Variants in SPTAN1 observed in about 807,000 individuals in gnomAD.
SPTAN1 encodes the protein spectrin alpha chain, non-erythrocytic 1.
Under a neutral mutation model 331.3 loss-of-function variants are expected in SPTAN1, and 61 were observed. That is an observed-to-expected ratio of 0.18 (90% confidence interval 0.15 to 0.23). The LOEUF (loss-of-function observed/expected upper bound fraction) is 0.23, where lower values mean the gene tolerates loss of function less well. SPTAN1 is among the 10% of genes least tolerant of loss of function. The pLI is 1.00. For missense variants in SPTAN1, 2,043 were observed against 3,147.9 expected (o/e 0.65, Z 8.40); for synonymous variants, 1,153 against 1,173.9 (o/e 0.98, Z 0.36).
intron 1 of SPTAN1, among the ~76,000 whole-genome samples, chr9:128,562,391 G>A (rs975740152): frequency 3.3e-5 from 5 of 152,116 alleles, no homozygotes; most frequent in East Asian, 1.9e-4. Context: ...GTGAGCCACC[G>A]CGCCCAGCCG....
intron 3 of SPTAN1, among the ~76,000 whole-genome samples, chr9:128,571,117 G>A (rs148502349): frequency 2.0e-4 from 31 of 152,112 alleles, no homozygotes; most frequent in African/African-American, 6.7e-4. Flanking sequence ...GTGAGACCTC[G>A]TCTCTACAAA....
In SPTAN1 at chr9:128,587,706, T is replaced by C. The variant is rs1485998372; in HGVS notation, c.2871+8T>C. 15 of 1,613,502 alleles carry C rather than the reference T, an allele frequency of 9.3e-6. No homozygotes were observed. The Admixed American group carries it at 1.7e-4, about 18-fold the overall frequency. On this transcript the variant is annotated splice_region_variant and intron_variant, in intron 20 of 56. Coordinates refer to ENST00000372739, the MANE Select transcript of SPTAN1 (RefSeq NM_001130438.3). ...CAAGCACAGTCCTGCCGGGTAAACTTGTAACAGTTTATGGGTTACTGGAGG... is the reference window on the plus strand; with the variant it reads ...CAAGCACAGTCCTGCCGGGTAAACTCGTAACAGTTTATGGGTTACTGGAGG...
Position 128,633,636 on chromosome 9 carries a change from G to C in SPTAN1, c.*302G>C. On this transcript the variant is annotated 3_prime_UTR_variant, in exon 57 of 57. Transcript: ENST00000372739. The stretch of plus-strand genomic sequence containing the variant: ...CCCCCAAATCTGTTTTCATGTAAAA[G>C]ACAAATAAATGATGACTTCCCCCAA... The C allele has an allele frequency of 7.5e-7, 1 of 1,342,036 alleles. No individual in the cohort carries two copies. 83.1% of individuals were successfully genotyped at this position (1,342,036 alleles called of 1,614,324 possible).
At chr9:128,564,447 G>C (rs1050949250) in intron 1 of SPTAN1, among the ~76,000 whole-genome samples, 2 of 151,760 alleles carry the variant, frequency 1.3e-5, no homozygotes, top group Non-Finnish European at 1.5e-5. Flanking sequence ...AGCCAGTCAT[G>C]GTGGTGTGCA....
intron 23 of SPTAN1, 55 bp from the exon 24 acceptor site, chr9:128,594,120 A>G (rs1853906196): frequency 1.3e-6 from 2 of 1,575,694 alleles, no homozygotes; most frequent in Admixed American, 1.7e-5. Flanking sequence ...TTATGTTAGC[A>G]TCTACAGCTA....
rs1264002872 is a variant in SPTAN1, at chr9:128,609,102, T to G, written c.4596-20T>G. The stretch of plus-strand genomic sequence containing the variant: ...CGGTAAGATATGCTCATGTTGGATC[T>G]CATGGTTTCACTCTTTCAGGTGGCG... On this transcript the variant is annotated intron_variant, in intron 35 of 56. Coordinates refer to ENST00000372739, the MANE Select transcript of SPTAN1 (RefSeq NM_001130438.3). 6.2e-7 allele frequency: 1 copy of G among 1,614,236 alleles called. No individual in the cohort carries two copies. Among genetic ancestry groups the G allele is most frequent in the Non-Finnish European group, 8.5e-7 (1 of 1,180,042 alleles).
intron 45 of SPTAN1, among the ~76,000 whole-genome samples, chr9:128,623,433 CATCTT>C (rs1394832907): frequency 1.3e-5 from 2 of 151,268 alleles, no homozygotes; most frequent in East Asian, 3.9e-4. Context: ...ATGAATATAT[CATCTT>C]AACTTCAAAT....
chr9:128,563,308 C>T (rs998251739), intron 1 of SPTAN1, among the ~76,000 whole-genome samples: 1 of 151,942 alleles, frequency 6.6e-6, no homozygotes, highest in Non-Finnish European at 1.5e-5. Flanking sequence ...CCTAGCTACT[C>T]AGGAGGCTGA....
intron 52 of SPTAN1, 169 bp downstream of exon 52, chr9:128,630,544 T>C: frequency 3.1e-6 from 2 of 638,312 alleles, no homozygotes; most frequent in South Asian, 3.5e-5. Context: ...CTCTTTTCTT[T>C]CTTTCTTCAT....
chr9:128,566,877 T>G lies in SPTAN1; in HGVS notation c.137T>G (p.Phe46Cys). Residue 46 changes from phenylalanine (F) to cysteine (C), a missense_variant, in exon 2 of 57, where the codon TTC becomes TGC. This residue lies in a region of SPTAN1 where 1,038 missense variants were observed against 1,531.5 expected (regional missense o/e 0.68). Transcript: ENST00000372739. ...CAGAAGCTGGAAGATTCCTATCGATTCCAGTTCTTTCAAAGAGATGCTGAA... is the reference window on the plus strand; with the variant it reads ...CAGAAGCTGGAAGATTCCTATCGATGCCAGTTCTTTCAAAGAGATGCTGAA... ...RRQKLEDSYR[F>C]QFFQRDAEEL... is the part of the protein sequence containing the mutation. 6.2e-7 allele frequency: 1 copy of G among 1,614,194 alleles called. No homozygotes were observed. Among genetic ancestry groups the G allele is most frequent in the Non-Finnish European group, 8.5e-7 (1 of 1,180,030 alleles).
At position 128,564,158 on chromosome 9, in the gene SPTAN1, C is replaced by T. The variant is rs185926700; in HGVS notation, c.-3-2580C>T. ...AGTCATGGCTGTGCGTGGTGGCTCA[C>T]GCCTGTAATCTTAGCACTTTGGGAG... On this transcript the variant is annotated intron_variant, in intron 1 of 56. Coordinates refer to ENST00000372739, the MANE Select transcript of SPTAN1 (RefSeq NM_001130438.3). 9.2e-5 allele frequency among the ~76,000 whole-genome samples: 14 copies of T among 152,226 alleles called. No homozygotes were observed. The South Asian group carries it at 1.2e-3, about 14-fold the overall frequency.
rs1304711769 is a variant in SPTAN1 at position 128,611,869 on chromosome 9, C to T, written c.4905+24C>T. 5 of 1,614,050 alleles carry T rather than the reference C, an allele frequency of 3.1e-6. No individual in the cohort carries two copies. In the East Asian group the frequency reaches 8.9e-5, roughly 29 times the overall value. ...AGGTATGGCCCACCAGCTCCCGGTGCCCAGGGAGGAAGATGACCACCGTCA... is the reference window on the plus strand; with the variant it reads ...AGGTATGGCCCACCAGCTCCCGGTGTCCAGGGAGGAAGATGACCACCGTCA... On this transcript the variant is annotated intron_variant, in intron 38 of 56. Transcript: ENST00000372739.
chr9:128,625,132 G>C lies in SPTAN1; in HGVS notation c.6022G>C (p.Asp2008His). ...GEKENSLKTD[D>H]YGRDLSSVQT... ...AAAGGAGAACAGCTTGAAGACAGATGATTATGGCCGAGACCTGTCTTCTGT... is the reference window on the plus strand; with the variant it reads ...AAAGGAGAACAGCTTGAAGACAGATCATTATGGCCGAGACCTGTCTTCTGT... Residue 2008 changes from aspartate to histidine, a missense_variant, in exon 47 of 57, where the codon GAT becomes CAT. This residue lies in a region of SPTAN1 where 256 missense variants were observed against 376.4 expected (regional missense o/e 0.68). Coordinates refer to ENST00000372739, the MANE Select transcript of SPTAN1 (RefSeq NM_001130438.3). This position sits in a 1 kb window ranked among gnomAD's most constrained non-coding sequence, Gnocchi z 4.1. 1 of 1,614,232 alleles carries C rather than the reference G, an allele frequency of 6.2e-7. No homozygotes were observed. The highest frequency in any genetic ancestry group is 8.5e-7 in the Non-Finnish European group (1 of 1,180,046).
At chr9:128,603,187 GT>G (rs891713862) in intron 27 of SPTAN1, among the ~76,000 whole-genome samples, 265 of 146,438 alleles carry the variant, frequency 1.8e-3, no homozygotes, top group African/African-American at 5.4e-3. Flanking sequence ...TAAATTTAGG[GT>G]TTTTTTTTTT....
At chr9:128,611,388 T>A (rs1323379368) in intron 37 of SPTAN1, among the ~76,000 whole-genome samples, 2 of 152,054 alleles carry the variant, frequency 1.3e-5, no homozygotes, top group Non-Finnish European at 2.9e-5. Flanking sequence ...GAGGATTGCT[T>A]GAGCCGAAGA....
rs1443641723 is a variant in SPTAN1 at position 128,618,731 on chromosome 9, C to T, written c.5601-140C>T. Reference sequence around the variant, plus strand: ...ATCTCCTGATCTCGTGATCTGCCCGCCTCGGCCTCCCAAAGTGCTGGGATT... The same window carrying T: ...ATCTCCTGATCTCGTGATCTGCCCGTCTCGGCCTCCCAAAGTGCTGGGATT... On this transcript the variant is annotated intron_variant, in intron 43 of 56. Coordinates refer to ENST00000372739, the MANE Select transcript of SPTAN1 (RefSeq NM_001130438.3). 1.7e-5 allele frequency: 21 copies of T among 1,239,096 alleles called. No individual in the cohort carries two copies. The Admixed American group carries it at 3.6e-4, about 21-fold the overall frequency. The allele number at this position is 1,239,096 out of a possible 1,614,324, so 76.8% of individuals were successfully genotyped here.
At chr9:128,612,052 G>GGAGAGGGAC (rs1158529851) in intron 38 of SPTAN1, 57 bp from the exon 39 acceptor site, 10 of 1,613,672 alleles carry the variant, frequency 6.2e-6, no homozygotes, top group Non-Finnish European at 8.5e-6. Context: ...TTGAGCTTTA[G>GGAGAGGGAC]GAGAGGGACG....
At chr9:128,632,984 G>T in intron 56 of SPTAN1, 29 bp downstream of exon 56, 3 of 1,607,990 alleles carry the variant, frequency 1.9e-6, no homozygotes, top group Non-Finnish European at 2.5e-6. Flanking sequence ...GGGTGAAGAG[G>T]TGTCCTTTGG....
chr9:128,577,031 G>A lies in SPTAN1; in HGVS notation c.785+75G>A. On this transcript the variant is annotated intron_variant, in intron 6 of 56. Coordinates refer to ENST00000372739, the MANE Select transcript of SPTAN1 (RefSeq NM_001130438.3). The surrounding 1 kb of genome is among the most constrained non-coding windows in gnomAD (Gnocchi z 4.2). ...GTTGTGAAGCACAGGGCATGTGCTG[G>A]TGAGCTGTCGAGGCTGACTAGGCCT... 5 of 1,613,614 alleles carry A rather than the reference G, an allele frequency of 3.1e-6. No individual in the cohort carries two copies. Among genetic ancestry groups the A allele is most frequent in the Non-Finnish European group, 4.2e-6 (5 of 1,179,710 alleles).
Sources: allele counts gnomAD v4.1 joint callset (sites outside exome capture counted in the v4.1 genomes callset), GRCh38; gene constraint gnomAD v4.1.1; regional missense constraint gnomAD v4.1.1; non-coding constraint Gnocchi (gnomAD v3.1); transcripts MANE v1.5; gene names NCBI Gene and HGNC (gene_info 2026-07-23, HGNC 2026-07-21).